Variants in MYLK observed in about 807,000 individuals in gnomAD.
The protein encoded by MYLK is myosin light chain kinase.
A neutral mutation model predicts 203.4 loss-of-function variants in MYLK; 106 were observed. The observed-to-expected ratio is 0.52, with a 90% confidence interval of 0.45 to 0.61. The LOEUF (loss-of-function observed/expected upper bound fraction) is 0.61. Ranked by LOEUF, MYLK falls within the 20% of genes least tolerant of loss-of-function variation. The probability of loss-of-function intolerance (pLI) is 0.00; values close to 1 mark genes in which losing one functional copy is unlikely to be tolerated. For missense variants in MYLK, 2,072 were observed against 2,442.3 expected, an observed-to-expected ratio of 0.85 and a Z score of 3.20; for synonymous variants, 867 against 959.5, an observed-to-expected ratio of 0.90 and a Z score of 1.78.
At chr3:123,758,701 A>T (rs2063439108) in intron 4 of MYLK, among the ~76,000 whole-genome samples, 1 of 152,212 alleles carries the variant, frequency 6.6e-6, no homozygotes, top group Non-Finnish European at 1.5e-5. Flanking sequence ...AATCAAAAAG[A>T]TCTATTTCCT....
rs2058803535 is a variant in MYLK, at chr3:123,640,712, C to A, written c.4620-208G>T. Among the ~76,000 whole-genome samples the A allele has an allele frequency of 6.6e-6, 1 of 152,150 alleles. No homozygotes were observed. The highest frequency in any genetic ancestry group is 6.5e-5 in the Admixed American group (1 of 15,284). The stretch of plus-strand genomic sequence containing the variant: ...TCCCATCAGGGAACCCTGCCCTGCA[C>A]CTTCTAAGCTGCTGGGGACTCAGGG... On this transcript the variant is annotated intron_variant, in intron 27 of 33. Transcript: ENST00000360304. The surrounding 1 kb of genome is among the most constrained non-coding windows in gnomAD (Gnocchi z 4.3).
intron 2 of MYLK, among the ~76,000 whole-genome samples, chr3:123,857,541 G>A (rs538459550): frequency 1.3e-4 from 19 of 151,092 alleles, no homozygotes; most frequent in Middle Eastern, 3.4e-3. Context: ...GTAAACTATC[G>A]TAAGAACAAA....
At chr3:123,736,196 T>C (rs1287470894) in intron 8 of MYLK, among the ~76,000 whole-genome samples, 1 of 152,208 alleles carries the variant, frequency 6.6e-6, no homozygotes, top group Non-Finnish European at 1.5e-5. Context: ...CAGCATGCAC[T>C]GTACACAGTA....
chr3:123,636,620 G>C (rs759742620), intron 29 of MYLK, among the ~76,000 whole-genome samples: 1 of 152,224 alleles, frequency 6.6e-6, no homozygotes, highest in Non-Finnish European at 1.5e-5. Context: ...CGCCCTGAAA[G>C]GGGCAGGCTG....
At chr3:123,749,173 G>T (rs1458347329) in intron 5 of MYLK, among the ~76,000 whole-genome samples, 1 of 151,942 alleles carries the variant, frequency 6.6e-6, no homozygotes, top group Non-Finnish European at 1.5e-5. Context: ...CAGCTACTTG[G>T]GAGGCTGAGG....
In MYLK at chr3:123,649,081, A is replaced by C; in HGVS notation, c.4322-17T>G. On this transcript the variant is annotated splice_polypyrimidine_tract_variant and intron_variant, in intron 25 of 33. Transcript: ENST00000360304. Reference sequence around the variant, plus strand: ...CCTTCTCATCTGTGGGGCACAGGTCAGGGTTGGTGTGAGTCTCAGATGCCC... The same window carrying C: ...CCTTCTCATCTGTGGGGCACAGGTCCGGGTTGGTGTGAGTCTCAGATGCCC... The C allele has an allele frequency of 6.2e-7, 1 of 1,614,104 alleles. No individual in the cohort carries two copies. The highest frequency in any genetic ancestry group is 1.1e-5 in the South Asian group (1 of 91,070).
At chr3:123,646,254 T>G (rs1404373117) in intron 27 of MYLK, among the ~76,000 whole-genome samples, 4 of 152,058 alleles carry the variant, frequency 2.6e-5, no homozygotes, top group Non-Finnish European at 4.4e-5. Context: ...CTGTATACAC[T>G]TATATTTTCA....
chr3:123,836,090 A>G (rs113466063), intron 2 of MYLK, among the ~76,000 whole-genome samples: 3 of 152,198 alleles, frequency 2.0e-5, no homozygotes, highest in African/African-American at 7.2e-5. Context: ...TTTCCTTTGT[A>G]TCTTTGGGTC....
Position 123,701,473 on chromosome 3 carries a change from C to T in MYLK, c.2427G>A (p.Leu809=), listed in dbSNP as rs760626448. 5 of 1,614,102 alleles carry T rather than the reference C, an allele frequency of 3.1e-6. No individual in the cohort carries two copies. The African/African-American group carries it at 6.7e-5, about 22-fold the overall frequency. ...RVGECSCQVS[L]MLQNSSARAL... ...CTCTGGCAGAGCTGTTCTGTAGCAT[C>T]AGTGACACCTGGCAACTGCATTCGC... is the stretch of plus-strand genomic sequence containing the variant. The change falls in exon 17 of 34, where the codon CTG becomes CTA. Residue 809 remains leucine, a synonymous_variant. Transcript: ENST00000360304.
Position 123,642,643 on chromosome 3 carries a change from G to A in MYLK, c.4620-2139C>T, listed in dbSNP as rs940954473. On this transcript the variant is annotated intron_variant, in intron 27 of 33. Coordinates refer to ENST00000360304, the MANE Select transcript of MYLK (RefSeq NM_053025.4). This position sits in a 1 kb window ranked among gnomAD's most constrained non-coding sequence, Gnocchi z 4.2. ...ATGCCCTCCATTTCTATTGCTCTCTGCCAAGGCTCCAAGACAAACTCTCAT... is the reference window on the plus strand; with the variant it reads ...ATGCCCTCCATTTCTATTGCTCTCTACCAAGGCTCCAAGACAAACTCTCAT... Among the ~76,000 whole-genome samples the A allele has an allele frequency of 2.6e-5, 4 of 152,330 alleles. No individual in the cohort carries two copies. The highest frequency in any genetic ancestry group is 3.4e-3 in the Middle Eastern group (1 of 294).
At chr3:123,704,641 C>T (rs2061380776) in intron 16 of MYLK, among the ~76,000 whole-genome samples, 2 of 151,148 alleles carry the variant, frequency 1.3e-5, no homozygotes, top group African/African-American at 4.9e-5. Flanking sequence ...TGGTGGCTCA[C>T]ACCTGTAATC....
At chr3:123,626,996 C>G (rs1319116446) in intron 30 of MYLK, 55 bp from the exon 31 acceptor site, 25 of 1,609,910 alleles carry the variant, frequency 1.6e-5, no homozygotes, top group Non-Finnish European at 2.0e-5. Flanking sequence ...TCAGAGACCA[C>G]TGGTTAGTTC....
At chr3:123,651,717 C>T (rs770678755) in intron 24 of MYLK, among the ~76,000 whole-genome samples, 7 of 152,242 alleles carry the variant, frequency 4.6e-5, no homozygotes, top group Non-Finnish European at 1.0e-4. Flanking sequence ...GCATCCAGTC[C>T]TAGAGCTGGC....
At chr3:123,848,950 C>T (rs1359314992) in intron 2 of MYLK, among the ~76,000 whole-genome samples, 2 of 151,960 alleles carry the variant, frequency 1.3e-5, no homozygotes, top group Non-Finnish European at 2.9e-5. Context: ...TATAGTAATA[C>T]CTATTCAACA....
intron 14 of MYLK, chr3:123,709,459 A>T: frequency 2.5e-6 from 1 of 394,522 alleles, no homozygotes; most frequent in East Asian, 5.9e-5. Flanking sequence ...GTTTTGTACC[A>T]GTCTTCAAAA....
At chr3:123,666,980 C>T in intron 21 of MYLK, 157 bp downstream of exon 21, 2 of 711,112 alleles carry the variant, frequency 2.8e-6, no homozygotes, top group South Asian at 1.6e-5. Context: ...TGAGCAAACT[C>T]AGCCTGAAAA....
chr3:123,831,312 C>T, intron 3 of MYLK: 3 of 1,210,662 alleles, frequency 2.5e-6, no homozygotes, highest in South Asian at 2.6e-5. Context: ...ATGATGATTT[C>T]CACCACCTTC....
At chr3:123,688,645 C>T (rs745551473) in intron 19 of MYLK, among the ~76,000 whole-genome samples, 5 of 152,106 alleles carry the variant, frequency 3.3e-5, no homozygotes, top group African/African-American at 4.8e-5. Context: ...ATCTGGTCCA[C>T]GGTCCTCCTC....
At chr3:123,647,131 A>G in intron 27 of MYLK, 93 bp downstream of exon 27, 1 of 1,178,806 alleles carries the variant, frequency 8.5e-7, no homozygotes, top group Non-Finnish European at 1.3e-6. Context: ...AGTGCTTTCC[A>G]TCTTGGGGCA....
Sources: allele counts gnomAD v4.1 joint callset (sites outside exome capture counted in the v4.1 genomes callset), GRCh38; gene constraint gnomAD v4.1.1; non-coding constraint Gnocchi (gnomAD v3.1); transcripts MANE v1.5; gene names NCBI Gene and HGNC (gene_info 2026-07-23, HGNC 2026-07-21).